The following CIBAR2 variants were observed in gnomAD, a reference collection of about 807,000 sequenced individuals.
CIBAR2 encodes CBY1 interacting BAR domain containing 2.
Under a neutral mutation model 36.2 loss-of-function variants are expected in CIBAR2, and 38 were observed. The ratio of observed to expected loss-of-function variants is 1.05; its 90% CI spans 0.81 to 1.38. The LOEUF (loss-of-function observed/expected upper bound fraction) is 1.38. CIBAR2 is among the 40% of genes most tolerant of loss of function. CIBAR2 has a pLI of 0.00. For missense variants in CIBAR2, 481 were observed against 383.4 expected (o/e 1.25, Z -2.13); for synonymous variants, 182 against 149.5 (o/e 1.22, Z -1.58).
intron 1 of CIBAR2, among the ~76,000 whole-genome samples, chr16:85,111,470 T>C (rs368698426): frequency 6.6e-6 from 1 of 152,044 alleles, no homozygotes; most frequent in Non-Finnish European, 1.5e-5. Flanking sequence ...GGGTCAGAAG[T>C]CAGACACTGG....
chr16:85,107,862 G>C lies in CIBAR2; in HGVS notation c.410C>G (p.Ser137Trp). 6.2e-7 allele frequency: 1 copy of C among 1,613,748 alleles called. No homozygotes were observed. Among genetic ancestry groups the C allele is most frequent in the South Asian group, 1.1e-5 (1 of 91,074 alleles). The stretch of plus-strand genomic sequence containing the variant: ...GAAGGATACGATCATTTGCTGATCC[G>C]AGGGTGACTTCTGCCTCAGTTTCTC... The part of the protein sequence containing the change: ...KLEKLRQKSP[S>W]DQQMISQAET... Residue 137 changes from serine to tryptophan, a missense_variant, in exon 4 of 9, where the codon TCG becomes TGG. Ser to Trp is a radical substitution (Grantham distance 177). Transcript: ENST00000539556.
chr16:85,112,007 G>C (rs765367108), intron 1 of CIBAR2, among the ~76,000 whole-genome samples: 5 of 152,366 alleles, frequency 3.3e-5, no homozygotes, highest in African/African-American at 1.2e-4. Context: ...CCCCACAGAA[G>C]GGGGAGGCCT....
rs751686654 is a variant in CIBAR2 at position 85,107,881 on chromosome 16, G to A, written c.391C>T (p.Leu131=). 3.7e-6 allele frequency: 6 copies of A among 1,614,154 alleles called. No individual in the cohort carries two copies. The highest frequency in any genetic ancestry group is 5.1e-6 in the Non-Finnish European group (6 of 1,179,984). The change falls in exon 4 of 9, where the codon CTG becomes TTG. Residue 131 remains leucine, a synonymous_variant. Transcript: ENST00000539556. The stretch of plus-strand genomic sequence containing the variant: ...TGATCCGAGGGTGACTTCTGCCTCA[G>A]TTTCTCCAGTTTTTCCAGTTGTTTG... ...EIKQLEKLEK[L]RQKSPSDQQM...
intron 8 of CIBAR2, 48 bp from the exon 9 acceptor site, chr16:85,099,394 A>C: frequency 9.5e-7 from 1 of 1,051,268 alleles, no homozygotes; most frequent in Admixed American, 1.8e-5. Context: ...TGGGGCTGTA[A>C]GGTAACATCT....
At chr16:85,111,808 C>G (rs930290986) in intron 1 of CIBAR2, among the ~76,000 whole-genome samples, 1 of 152,252 alleles carries the variant, frequency 6.6e-6, no homozygotes, top group African/African-American at 2.4e-5. Flanking sequence ...CGAGATGGCA[C>G]CACTGCACTC....
At position 85,099,067 on chromosome 16, in the gene CIBAR2, T is replaced by G; in HGVS notation, c.*118A>C. 8.4e-7 allele frequency: 1 copy of G among 1,197,480 alleles called. No individual in the cohort carries two copies. 74.2% of individuals were successfully genotyped at this position (1,197,480 alleles called of 1,614,324 possible). ...GGAAATTCAGAGCTTGAAGACAAGGTCTTTGAATTAACACAATCCAACAAA... is the reference window on the plus strand; with the variant it reads ...GGAAATTCAGAGCTTGAAGACAAGGGCTTTGAATTAACACAATCCAACAAA... On this transcript the variant is annotated 3_prime_UTR_variant, in exon 9 of 9. Transcript: ENST00000539556.
chr16:85,099,079 C>T lies in CIBAR2; in HGVS notation c.*106G>A. 1 of 1,320,146 alleles carries T rather than the reference C, an allele frequency of 7.6e-7. No homozygotes were observed. Among genetic ancestry groups the T allele is most frequent in the Non-Finnish European group, 1.0e-6 (1 of 1,002,242 alleles). 81.8% of individuals were successfully genotyped at this position (1,320,146 alleles called of 1,614,324 possible). ...CTTGAAGACAAGGTCTTTGAATTAA[C>T]ACAATCCAACAAAGACAAAGAAAAA... On this transcript the variant is annotated 3_prime_UTR_variant, in exon 9 of 9. Coordinates refer to ENST00000539556, the MANE Select transcript of CIBAR2 (RefSeq NM_198491.3).
At chr16:85,108,528 A>G (rs1018841091) in intron 2 of CIBAR2, among the ~76,000 whole-genome samples, 2 of 152,172 alleles carry the variant, frequency 1.3e-5, no homozygotes, top group Non-Finnish European at 2.9e-5. Flanking sequence ...TGACAAACCC[A>G]CTTTGCGGAT....
intron 6 of CIBAR2, 52 bp downstream of exon 6, chr16:85,105,275 C>T (rs578012837): frequency 9.1e-6 from 10 of 1,103,694 alleles, no homozygotes; most frequent in Admixed American, 1.7e-5. Context: ...CGTGCATGCA[C>T]ACACACACAA....
In CIBAR2 at chr16:85,108,032, C is replaced by T. The variant is rs148587987; in HGVS notation, c.323G>A (p.Arg108Gln). The change falls in exon 3 of 9, where the codon CGG (arginine) becomes CAG (glutamine). Residue 108 changes from arginine (R) to glutamine (Q), a missense_variant and splice_region_variant. Physicochemically the swap from Arg to Gln is conservative, Grantham distance 43 (BLOSUM62 1). Transcript: ENST00000539556. ...KLYGAQIKQT[R>Q]AEIKKFKHVQ... ...CCACACCGAGGTGCCCCGGCTCACC[C>T]GTGTCTGCTTGATCTGTGCCCCGTA... The T allele has an allele frequency of 7.1e-5, 114 of 1,613,668 alleles. No individual in the cohort carries two copies. The Middle Eastern group carries it at 8.2e-4, about 12-fold the overall frequency.
intron 6 of CIBAR2, among the ~76,000 whole-genome samples, chr16:85,102,651 A>T (rs997538247): frequency 2.0e-5 from 3 of 152,186 alleles, no homozygotes; most frequent in Non-Finnish European, 2.9e-5. Context: ...GTCTCTACTA[A>T]GTACATAAGT....
rs1244188173 is a variant in CIBAR2, at chr16:85,105,397, G to C, written c.467C>G (p.Ser156Cys). 5 of 1,613,826 alleles carry C rather than the reference G, an allele frequency of 3.1e-6. No individual in the cohort carries two copies. Among genetic ancestry groups the C allele is most frequent in the Admixed American group, 3.3e-5 (2 of 60,032 alleles). The change falls in exon 6 of 9, where the codon TCC (serine) becomes TGC (cysteine). Residue 156 changes from serine (S) to cysteine (C), a missense_variant. By Grantham distance (112) the Ser-to-Cys change is moderately radical. Transcript: ENST00000539556. ...CTCCAGCTGGAGGGTGGTGCGGCTG[G>C]AGTCCACAGCGGCCCTCTGCACTCT... is the stretch of plus-strand genomic sequence containing the variant. ...ETRVQRAAVD[S>C]SRTTLQLEET...
intron 6 of CIBAR2, among the ~76,000 whole-genome samples, chr16:85,102,992 C>G (rs763093271): frequency 2.7e-5 from 4 of 150,156 alleles, no homozygotes; most frequent in Non-Finnish European, 4.4e-5. Flanking sequence ...ATCTCCGCCT[C>G]CCGGGTTCAA....
At chr16:85,101,968 C>T (rs1040920346) in intron 7 of CIBAR2, among the ~76,000 whole-genome samples, 9 of 152,182 alleles carry the variant, frequency 5.9e-5, no homozygotes, top group Middle Eastern at 6.8e-3. Flanking sequence ...ATGCCCCCGC[C>T]GATCCATTTG....
At position 85,110,295 on chromosome 16, in the gene CIBAR2, G is replaced by A. The variant is rs374566330; in HGVS notation, c.186C>T (p.Pro62=). 359 of 1,610,806 alleles carry A rather than the reference G, an allele frequency of 2.2e-4. 2 individuals are homozygous for A. Among genetic ancestry groups the A allele is most frequent in the South Asian group, 1.5e-3 (139 of 90,862 alleles). Residue 62 remains proline, a synonymous_variant, in exon 2 of 9, where the codon CCC becomes CCT. Transcript: ENST00000539556. The stretch of plus-strand genomic sequence containing the variant: ...AGCCCCTCATGGTGGCCCGCAGCTC[G>A]GGGTTCTCGGAGTTGGCAAAGTCGA... ...QLIDFANSEN[P]ELRATMRGFA...
chr16:85,107,671 G>C lies in CIBAR2; in HGVS notation c.428C>G (p.Ser143Cys). ...QKSPSDQQMISQAETRVQRAA... is the reference protein window; with the variant it reads ...QKSPSDQQMICQAETRVQRAA... ...AGACAGACATGTGACACTCACCTGGGACTGAAAAACGTGCTGTTAAGGAAC... is the reference window on the plus strand; with the variant it reads ...AGACAGACATGTGACACTCACCTGGCACTGAAAAACGTGCTGTTAAGGAAC... Residue 143 changes from serine to cysteine, a missense_variant and splice_region_variant, in exon 5 of 9, where the codon TCC becomes TGC. Transcript: ENST00000539556. The C allele has an allele frequency of 6.2e-7, 1 of 1,614,032 alleles. No homozygotes were observed. The highest frequency in any genetic ancestry group is 8.5e-7 in the Non-Finnish European group (1 of 1,179,980).
At chr16:85,104,164 C>A (rs1322261640) in intron 6 of CIBAR2, among the ~76,000 whole-genome samples, 1 of 152,176 alleles carries the variant, frequency 6.6e-6, no homozygotes, top group Non-Finnish European at 1.5e-5. Context: ...GGTGACTTTC[C>A]CCAAAGAATG....
Position 85,108,069 on chromosome 16 carries a change from G to C in CIBAR2, c.286C>G (p.Pro96Ala). 6.2e-7 allele frequency: 1 copy of C among 1,613,070 alleles called. No individual in the cohort carries two copies. Among genetic ancestry groups the C allele is most frequent in the South Asian group, 1.1e-5 (1 of 91,002 alleles). ...VERLETKVVN[P>A]LKLYGAQIKQ... ...ATCTGTGCCCCGTAGAGCTTCAGGG[G>C]GTTGACCACCTTGGTCTCCAGCCTC... The change falls in exon 3 of 9, where the codon CCC becomes GCC. Residue 96 changes from proline to alanine, a missense_variant. Pro to Ala is a conservative substitution (Grantham distance 27). Coordinates refer to ENST00000539556, the MANE Select transcript of CIBAR2 (RefSeq NM_198491.3).
intron 8 of CIBAR2, 64 bp downstream of exon 8, chr16:85,100,074 AC>A (rs2073943053): frequency 3.1e-6 from 4 of 1,276,732 alleles, no homozygotes; most frequent in Non-Finnish European, 4.4e-6. Context: ...TGGGGTTACT[AC>A]CACGGGCCTT....
Sources: gnomAD v4.1 joint callset for allele counts (sites outside exome capture counted in the v4.1 genomes callset) on GRCh38, gnomAD v4.1.1 for gene constraint, MANE v1.5 for transcripts, NCBI Gene and HGNC (gene_info 2026-07-23, HGNC 2026-07-21) for gene names.